Variants in STXBP5L observed in about 807,000 individuals in gnomAD.
The protein encoded by STXBP5L is syntaxin-binding protein 5-like.
Under a neutral mutation model 144.5 loss-of-function variants are expected in STXBP5L, and 65 were observed. The observed-to-expected ratio is 0.45, with a 90% CI of 0.37 to 0.55. The LOEUF (loss-of-function observed/expected upper bound fraction) is 0.55. Ranked by LOEUF, STXBP5L falls within the 20% of genes least tolerant of loss-of-function variation. The pLI is 0.00. For synonymous variants in STXBP5L, 505 were observed against 469.6 expected (o/e 1.08, Z -0.97); for missense variants, 1,298 against 1,405.5 (o/e 0.92, Z 1.22).
At position 121,420,243 on chromosome 3, in the gene STXBP5L, C is replaced by A. The variant is rs928903084; in HGVS notation, c.*1146C>A. On this transcript the variant is annotated 3_prime_UTR_variant, in exon 27 of 27. Coordinates refer to ENST00000471454, the MANE Select transcript of STXBP5L (RefSeq NM_001308330.2). ...TTACAAGGGCTTTCCTTAGAAAATA[C>A]CTTTCGGTTTGATACTTACCACTGG... 4 of 152,122 alleles carry A rather than the reference C, an allele frequency of 2.6e-5. No homozygotes were observed. The highest frequency in any genetic ancestry group is 5.9e-5 in the Non-Finnish European group (4 of 68,000). The allele number at this position is 152,122 out of a possible 1,614,324, so 9.4% of individuals were successfully genotyped here.
chr3:121,246,633 A>C (rs1220148126), intron 14 of STXBP5L, among the ~76,000 whole-genome samples: 1 of 152,228 alleles, frequency 6.6e-6, no homozygotes, highest in African/African-American at 2.4e-5. Context: ...GTAAACATAC[A>C]AAGTCATTCA....
intron 10 of STXBP5L, among the ~76,000 whole-genome samples, chr3:121,218,909 A>C (rs1171291275): frequency 1.3e-5 from 2 of 152,148 alleles, no homozygotes; most frequent in Non-Finnish European, 2.9e-5. Context: ...TAATGGATAC[A>C]GCCTGTAATG....
chr3:120,990,298 A>G (rs1942713363), intron 3 of STXBP5L, among the ~76,000 whole-genome samples: 1 of 152,208 alleles, frequency 6.6e-6, no homozygotes, highest in Non-Finnish European at 1.5e-5. Context: ...CTGCTCGATG[A>G]AATAAAAGAG....
chr3:121,384,665 A>G lies in STXBP5L; in HGVS notation c.2587+3133A>G, dbSNP rs1576330348. On this transcript the variant is annotated intron_variant, in intron 22 of 26. Coordinates refer to ENST00000471454, the MANE Select transcript of STXBP5L (RefSeq NM_001308330.2). ...AGTGCCTTATAAATCGTGAAGAAGG[A>G]AAAGACTACCTAGTAGATTATTTTT... 5.3e-5 allele frequency among the ~76,000 whole-genome samples: 8 copies of G among 152,280 alleles called. No homozygotes were observed. The South Asian group carries it at 1.7e-3, about 32-fold the overall frequency.
At chr3:121,081,982 G>T (rs2042267720) in intron 5 of STXBP5L, among the ~76,000 whole-genome samples, 1 of 152,098 alleles carries the variant, frequency 6.6e-6, no homozygotes, top group African/African-American at 2.4e-5. Context: ...TTATGTGTCT[G>T]TCCCTCTGCC....
At chr3:121,114,884 G>T (rs953609867) in intron 5 of STXBP5L, 41 bp from the exon 6 acceptor site, 1 of 1,360,414 alleles carries the variant, frequency 7.4e-7, no homozygotes, top group African/African-American at 1.5e-5. Context: ...CTGACCAAAT[G>T]TAAAATTTAG....
chr3:121,396,885 A>G (rs2046744159), intron 22 of STXBP5L, among the ~76,000 whole-genome samples: 1 of 152,234 alleles, frequency 6.6e-6, no homozygotes, highest in South Asian at 2.1e-4. Context: ...GGGTAAATAA[A>G]GTCATCGGTT....
intron 10 of STXBP5L, among the ~76,000 whole-genome samples, chr3:121,212,697 G>A (rs757798615): frequency 2.6e-5 from 4 of 152,142 alleles, no homozygotes; most frequent in Non-Finnish European, 4.4e-5. Context: ...GGCTATACAG[G>A]CTCTTTTTTG....
chr3:121,364,114 G>A (rs1238219088), intron 20 of STXBP5L, among the ~76,000 whole-genome samples: 1 of 152,102 alleles, frequency 6.6e-6, no homozygotes, highest in Middle Eastern at 3.2e-3. Context: ...GTTACCAAAT[G>A]TAATGTCATT....
At chr3:121,385,034 T>C (rs1026597698) in intron 22 of STXBP5L, among the ~76,000 whole-genome samples, 3 of 152,044 alleles carry the variant, frequency 2.0e-5, no homozygotes, top group African/African-American at 7.2e-5. Context: ...TATATGTGTA[T>C]ATATAAAATA....
chr3:121,378,474 T>G (rs1222563877), intron 20 of STXBP5L, among the ~76,000 whole-genome samples: 1 of 152,200 alleles, frequency 6.6e-6, no homozygotes, highest in Admixed American at 6.5e-5. Flanking sequence ...CCAATTTTAA[T>G]CTATGTTACA....
chr3:121,186,713 T>G (rs1240853102), intron 9 of STXBP5L, among the ~76,000 whole-genome samples: 1 of 152,134 alleles, frequency 6.6e-6, no homozygotes, highest in African/African-American at 2.4e-5. Flanking sequence ...TTACTGAGGA[T>G]TTTTGCATTG....
intron 20 of STXBP5L, among the ~76,000 whole-genome samples, chr3:121,343,384 G>C (rs2044810822): frequency 1.3e-5 from 2 of 152,218 alleles, no homozygotes; most frequent in African/African-American, 4.8e-5. Context: ...CATAGTGTTG[G>C]AAGTTATGGC....
At chr3:120,975,980 A>C (rs985204535) in intron 3 of STXBP5L, among the ~76,000 whole-genome samples, 1 of 151,642 alleles carries the variant, frequency 6.6e-6, no homozygotes, top group African/African-American at 2.4e-5. Context: ...ATCAATGTTC[A>C]TCAAGGATAT....
chr3:121,382,408 AATTTT>A (rs1205839768), intron 22 of STXBP5L, among the ~76,000 whole-genome samples: 1 of 152,110 alleles, frequency 6.6e-6, no homozygotes, highest in African/African-American at 2.4e-5. Flanking sequence ...TCGTGATGAC[AATTTT>A]ATTTTAACAT....
intron 5 of STXBP5L, among the ~76,000 whole-genome samples, chr3:121,079,496 C>A (rs984586358): frequency 6.6e-6 from 1 of 152,188 alleles, no homozygotes; most frequent in Non-Finnish European, 1.5e-5. Context: ...GGGAGGGTCA[C>A]AATTTGCAGC....
chr3:121,091,152 C>T lies in STXBP5L; in HGVS notation c.471-23773C>T, dbSNP rs573985906. Among the ~76,000 whole-genome samples, 80 of 148,038 alleles carry T rather than the reference C, an allele frequency of 5.4e-4. 3 individuals carry two copies. Among genetic ancestry groups the T allele is most frequent in the African/African-American group, 1.8e-3 (69 of 39,298 alleles). ...CATAGTATTCCATGGTGTATATGTG[C>T]CACATTTTCTTAATCCAGTCTATCA... is the stretch of plus-strand genomic sequence containing the variant. On this transcript the variant is annotated intron_variant, in intron 5 of 26. Coordinates refer to ENST00000471454, the MANE Select transcript of STXBP5L (RefSeq NM_001308330.2).
At position 121,310,174 on chromosome 3, in the gene STXBP5L, G is replaced by A. The variant is rs369437833; in HGVS notation, c.2111-8301G>A. Among the ~76,000 whole-genome samples the A allele has an allele frequency of 3.3e-5, 5 of 152,304 alleles. No homozygotes were observed. In the East Asian group the frequency reaches 5.8e-4, roughly 18 times the overall value. On this transcript the variant is annotated intron_variant, in intron 19 of 26. Transcript: ENST00000471454. ...CACGTCACAACCAATCATTTTTAAA[G>A]TTCTAGAAGAAAACAAAGAATAATA...
In STXBP5L at chr3:121,279,898, A is replaced by G; in HGVS notation, c.2052A>G (p.Ser684=). The part of the protein sequence containing the change: ...LSMGTIDLYR[S]SDLYQRQPRS... ...TGGGGACCATTGACCTATATAGATC[A>G]AGTGACTTATACCAGCGACAACCAC... Residue 684 remains serine, a synonymous_variant, in exon 19 of 27, where the codon TCA becomes TCG. Coordinates refer to ENST00000471454, the MANE Select transcript of STXBP5L (RefSeq NM_001308330.2). 6.2e-7 allele frequency: 1 copy of G among 1,612,676 alleles called. No individual in the cohort carries two copies. The highest frequency in any genetic ancestry group is 8.5e-7 in the Non-Finnish European group (1 of 1,178,976).
Sources: allele counts gnomAD v4.1 joint callset (sites outside exome capture counted in the v4.1 genomes callset), GRCh38; gene constraint gnomAD v4.1.1; transcripts MANE v1.5; gene names NCBI Gene and HGNC (gene_info 2026-07-23, HGNC 2026-07-21).